Variants in HDAC9 observed in about 807,000 individuals in gnomAD.
The protein encoded by HDAC9 is MEF-2 interacting transcription repressor (MITR) protein.
Under a neutral mutation model 139.4 loss-of-function variants are expected in HDAC9, and 41 were observed. The observed-to-expected ratio is 0.29, with a 90% CI of 0.23 to 0.38. HDAC9 has a LOEUF of 0.38. Ranked by LOEUF, HDAC9 falls within the 10% of genes least tolerant of loss-of-function variation. HDAC9 has a pLI of 1.00. For missense variants in HDAC9, 1,147 were observed against 1,297.0 expected (o/e 0.88, Z 1.78); for synonymous variants, 517 against 476.2 (o/e 1.09, Z -1.12).
At chr7:18,900,773 G>A (rs1384268021) in intron 22 of HDAC9, among the ~76,000 whole-genome samples, 1 of 152,088 alleles carries the variant, frequency 6.6e-6, no homozygotes, top group African/African-American at 2.4e-5. Flanking sequence ...ACAGACTGGT[G>A]ACATAAAGCA....
intron 1 of HDAC9, among the ~76,000 whole-genome samples, chr7:18,397,674 ATAAGTGATTTT>A (rs1474478321): frequency 6.6e-6 from 1 of 152,194 alleles, no homozygotes; most frequent in Non-Finnish European, 1.5e-5. Context: ...AAATTAAAAT[ATAAGTGATTTT>A]TAAACATTCT....
intron 1 of HDAC9, among the ~76,000 whole-genome samples, chr7:18,412,104 A>G (rs1788621649): frequency 6.6e-6 from 1 of 152,078 alleles, no homozygotes; most frequent in Non-Finnish European, 1.5e-5. Context: ...CTGGGATTAC[A>G]GGTGTGAGCC....
chr7:18,381,632 CTA>C (rs1491386868), intron 1 of HDAC9, among the ~76,000 whole-genome samples: 1 of 151,902 alleles, frequency 6.6e-6, no homozygotes, highest in Non-Finnish European at 1.5e-5. Flanking sequence ...TGAGAATAGA[CTA>C]TTCATTCAGT....
intron 18 of HDAC9, 61 bp from the exon 19 acceptor site, chr7:18,829,396 ATTAT>A: frequency 7.6e-7 from 1 of 1,309,830 alleles, no homozygotes. Flanking sequence ...TGCTCTGAAC[ATTAT>A]TTATAATGGT....
At chr7:18,133,709 A>G (rs183551770) in intron 1 of HDAC9, among the ~76,000 whole-genome samples, 1 of 152,246 alleles carries the variant, frequency 6.6e-6, no homozygotes, top group East Asian at 1.9e-4. Context: ...AACCAAAAGC[A>G]TAAAATGGAA....
rs559086873 is a variant in HDAC9, at chr7:18,857,536, G to T, written c.2685-16942G>T. ...TTCATTTTCTATGTCCACATTTATA[G>T]CTGTAGTTTCTAGAGTAATTATTGT... On this transcript the variant is annotated intron_variant, in intron 21 of 25. Coordinates refer to ENST00000686413, the MANE Select transcript of HDAC9 (RefSeq NM_178425.4). Among the ~76,000 whole-genome samples, 3 of 152,078 alleles carry T rather than the reference G, an allele frequency of 2.0e-5. No individual in the cohort carries two copies. In the South Asian group the frequency reaches 6.2e-4, roughly 32 times the overall value.
At chr7:18,780,925 G>A (rs897127004) in intron 16 of HDAC9, among the ~76,000 whole-genome samples, 2 of 151,956 alleles carry the variant, frequency 1.3e-5, no homozygotes, top group Non-Finnish European at 2.9e-5. Flanking sequence ...GGCTAGCTAG[G>A]GCTGTCATAA....
chr7:18,174,582 G>C lies in HDAC9; in HGVS notation c.25+12233G>C, dbSNP rs186186249. Among the ~76,000 whole-genome samples, 877 of 152,318 alleles carry C rather than the reference G, an allele frequency of 5.8e-3. 10 individuals are homozygous for C. Among genetic ancestry groups the C allele is most frequent in the African/African-American group, 0.02 (834 of 41,574 alleles). On this transcript the variant is annotated intron_variant, in intron 2 of 12. Transcript: ENST00000417496. ...TCTGCTCTGGTTTCTCCCTATCTTTGTGGTTTTATCTACCTTTGGTCTTTG... is the reference window on the plus strand; with the variant it reads ...TCTGCTCTGGTTTCTCCCTATCTTTCTGGTTTTATCTACCTTTGGTCTTTG...
At chr7:18,405,500 T>G (rs1361028161) in intron 1 of HDAC9, among the ~76,000 whole-genome samples, 1 of 82,162 alleles carries the variant, frequency 1.2e-5, no homozygotes, top group Non-Finnish European at 2.6e-5. Context: ...CACAGTGAAG[T>G]GGGAATAGCC....
At chr7:18,453,263 T>C (rs1472454147) in intron 1 of HDAC9, among the ~76,000 whole-genome samples, 1 of 152,140 alleles carries the variant, frequency 6.6e-6, no homozygotes, top group African/African-American at 2.4e-5. Flanking sequence ...AATTCTAAAG[T>C]ATTAACCTAT....
At chr7:18,524,129 A>G (rs958509274) in intron 2 of HDAC9, among the ~76,000 whole-genome samples, 4 of 152,130 alleles carry the variant, frequency 2.6e-5, no homozygotes, top group African/African-American at 7.2e-5. Context: ...TATGGAAGGT[A>G]TATAGAGATT....
intron 12 of HDAC9, among the ~76,000 whole-genome samples, chr7:18,724,557 A>C (rs967090045): frequency 6.6e-6 from 1 of 152,162 alleles, no homozygotes; most frequent in African/African-American, 2.4e-5. Context: ...ACATTATTGC[A>C]TGGTACTGTA....
At chr7:18,542,712 C>T (rs1813415324) in intron 2 of HDAC9, among the ~76,000 whole-genome samples, 1 of 152,070 alleles carries the variant, frequency 6.6e-6, no homozygotes, top group African/African-American at 2.4e-5. Context: ...GCAAAAGGCC[C>T]TGTACTGTAC....
chr7:18,992,484 A>T (rs1440700077), intron 25 of HDAC9, among the ~76,000 whole-genome samples: 1 of 152,228 alleles, frequency 6.6e-6, no homozygotes, highest in African/African-American at 2.4e-5. Flanking sequence ...TGCAAACAAA[A>T]TAATGTAACA....
chr7:18,747,624 G>A (rs1374267150), intron 13 of HDAC9, among the ~76,000 whole-genome samples: 2 of 152,178 alleles, frequency 1.3e-5, no homozygotes, highest in Admixed American at 1.3e-4. Flanking sequence ...ATTCAATGGG[G>A]AAGTGTGTAA....
chr7:18,190,246 T>C (rs1329745080), intron 2 of HDAC9, among the ~76,000 whole-genome samples: 1 of 152,124 alleles, frequency 6.6e-6, no homozygotes, highest in African/African-American at 2.4e-5. Context: ...CGCCCGGCCA[T>C]AAATAACTTG....
chr7:18,643,711 C>A (rs1440345320), intron 8 of HDAC9, among the ~76,000 whole-genome samples: 2 of 151,928 alleles, frequency 1.3e-5, no homozygotes, highest in Non-Finnish European at 2.9e-5. Context: ...AGTCAAAGCC[C>A]GTGTGTGCAA....
At chr7:18,737,566 T>C (rs761156435) in intron 13 of HDAC9, among the ~76,000 whole-genome samples, 2 of 152,098 alleles carry the variant, frequency 1.3e-5, no homozygotes, top group Non-Finnish European at 1.5e-5. Flanking sequence ...TAGTTTTCAT[T>C]AGAATTAATT....
intron 21 of HDAC9, among the ~76,000 whole-genome samples, chr7:18,873,239 A>C (rs1327925397): frequency 1.3e-5 from 2 of 152,184 alleles, no homozygotes; most frequent in African/African-American, 2.4e-5. Context: ...ATAGTAAATA[A>C]AATTAGGTTT....
Sources: allele counts gnomAD v4.1 joint callset (sites outside exome capture counted in the v4.1 genomes callset), GRCh38; gene constraint gnomAD v4.1.1; transcripts MANE v1.5; gene names NCBI Gene and HGNC (gene_info 2026-07-23, HGNC 2026-07-21).